MOB3B: variants seen among roughly 807,000 people sequenced by gnomAD.
MOB3B encodes MOB kinase activator 3B.
Under a neutral mutation model 18.7 loss-of-function variants are expected in MOB3B, and 7 were observed. That is an observed-to-expected ratio of 0.37 (90% confidence interval 0.21 to 0.70). MOB3B has a LOEUF of 0.70. Among genes scored for constraint, MOB3B ranks in the 30% least tolerant of loss-of-function variants. MOB3B has a pLI of 0.52. For missense variants in MOB3B, 253 were observed against 281.3 expected, an observed-to-expected ratio of 0.90 and a Z score of 0.72; for synonymous variants, 111 against 99.9, an observed-to-expected ratio of 1.11 and a Z score of -0.66.
At chr9:27,528,345 G>A (rs1820468948) in intron 1 of MOB3B, among the ~76,000 whole-genome samples, 1 of 152,256 alleles carries the variant, frequency 6.6e-6, no homozygotes, top group African/African-American at 2.4e-5. Context: ...AAATCCTCTG[G>A]AACCAACCAC....
chr9:27,498,164 T>C (rs76676728), intron 1 of MOB3B, among the ~76,000 whole-genome samples: 4,912 of 152,258 alleles, frequency 0.032, 436 homozygotes, highest in East Asian at 0.28. Context: ...GTAGCCTCTA[T>C]GGTGTTCTCA....
chr9:27,417,160 G>A (rs975981919), intron 2 of MOB3B, among the ~76,000 whole-genome samples: 1 of 152,178 alleles, frequency 6.6e-6, no homozygotes, highest in Admixed American at 6.5e-5. Flanking sequence ...TGAGGAGATC[G>A]AGACCATCCT....
chr9:27,374,123 C>T (rs1821459093), intron 2 of MOB3B, among the ~76,000 whole-genome samples: 1 of 152,176 alleles, frequency 6.6e-6, no homozygotes, highest in African/African-American at 2.4e-5. Context: ...AAACAGCAGC[C>T]CTGGAGTCCC....
chr9:27,460,069 T>A (rs898280428), intron 1 of MOB3B, among the ~76,000 whole-genome samples: 1 of 152,150 alleles, frequency 6.6e-6, no homozygotes, highest in East Asian at 1.9e-4. Context: ...ACTAAGGACA[T>A]AGAGTTCATA....
intron 1 of MOB3B, chr9:27,524,375 G>A: frequency 6.2e-7 from 1 of 1,602,068 alleles, no homozygotes; most frequent in Non-Finnish European, 8.5e-7. Context: ...AGTGTTTGTG[G>A]CTTGAGATCC....
intron 1 of MOB3B, among the ~76,000 whole-genome samples, chr9:27,499,032 A>G (rs1448856254): frequency 6.6e-6 from 1 of 152,232 alleles, no homozygotes; most frequent in Non-Finnish European, 1.5e-5. Flanking sequence ...ATTATTATCC[A>G]ATAAATTCAG....
intron 2 of MOB3B, among the ~76,000 whole-genome samples, chr9:27,369,936 C>CTT (rs59186320): frequency 5.6e-5 from 7 of 125,950 alleles, no homozygotes; most frequent in Admixed American, 7.9e-5. Context: ...TTTAATTGTC[C>CTT]TTTTTTTTTT....
At chr9:27,449,052 C>G (rs1822742276) in intron 2 of MOB3B, among the ~76,000 whole-genome samples, 1 of 152,178 alleles carries the variant, frequency 6.6e-6, no homozygotes, top group Non-Finnish European at 1.5e-5. Flanking sequence ...GTTTAGTATT[C>G]AGTCTTCTGG....
At chr9:27,448,632 T>C (rs1822733258) in intron 2 of MOB3B, among the ~76,000 whole-genome samples, 1 of 152,226 alleles carries the variant, frequency 6.6e-6, no homozygotes, top group Admixed American at 6.5e-5. Context: ...TTATGGGAGC[T>C]ACAATTCAAG....
chr9:27,382,468 A>G (rs1315084927), intron 2 of MOB3B, among the ~76,000 whole-genome samples: 1 of 152,118 alleles, frequency 6.6e-6, no homozygotes, highest in Non-Finnish European at 1.5e-5. Context: ...TTAGAAGATC[A>G]GGGCCAATCC....
intron 3 of MOB3B, among the ~76,000 whole-genome samples, chr9:27,332,254 G>C (rs1320244471): frequency 6.6e-6 from 1 of 152,172 alleles, no homozygotes; most frequent in Non-Finnish European, 1.5e-5. Context: ...GCCTCCCAAA[G>C]TGCTGGGATT....
At chr9:27,439,329 T>C (rs572801840) in intron 2 of MOB3B, among the ~76,000 whole-genome samples, 1 of 152,342 alleles carries the variant, frequency 6.6e-6, no homozygotes, top group Admixed American at 6.5e-5. Flanking sequence ...CATACTCTAA[T>C]AATCATTTAT....
At chr9:27,501,390 G>T (rs1819989181) in intron 1 of MOB3B, among the ~76,000 whole-genome samples, 2 of 152,182 alleles carry the variant, frequency 1.3e-5, no homozygotes, top group South Asian at 4.2e-4. Flanking sequence ...AGAAAATGTG[G>T]CACATACATA....
intron 2 of MOB3B, among the ~76,000 whole-genome samples, chr9:27,407,241 T>A (rs1467040992): frequency 6.6e-6 from 1 of 152,212 alleles, no homozygotes; most frequent in African/African-American, 2.4e-5. Context: ...AAAAAATGTT[T>A]AGAGCACAAC....
chr9:27,433,151 G>C (rs193276106), intron 2 of MOB3B, among the ~76,000 whole-genome samples: 1 of 150,550 alleles, frequency 6.6e-6, no homozygotes. Flanking sequence ...ATTTAGTACC[G>C]GCTCAAAAAG....
intron 2 of MOB3B, chr9:27,378,723 C>A (rs1386308255): frequency 4.3e-6 from 2 of 469,272 alleles, no homozygotes; most frequent in Non-Finnish European, 8.8e-6. Flanking sequence ...TGTGCATGGG[C>A]AGAGCTGGGC....
chr9:27,490,991 T>A (rs997587677), intron 1 of MOB3B, among the ~76,000 whole-genome samples: 6 of 141,476 alleles, frequency 4.2e-5, no homozygotes, highest in Admixed American at 7.2e-5. Context: ...TTTTTTTTTT[T>A]AATTCAGAAA....
intron 3 of MOB3B, among the ~76,000 whole-genome samples, chr9:27,338,290 G>C (rs1820891315): frequency 6.6e-6 from 1 of 152,108 alleles, no homozygotes; most frequent in Non-Finnish European, 1.5e-5. Flanking sequence ...CTCTTTCCCA[G>C]CCCTGCTTGG....
chr9:27,509,828 G>A (rs1820116032), intron 1 of MOB3B, among the ~76,000 whole-genome samples: 2 of 152,162 alleles, frequency 1.3e-5, no homozygotes, highest in South Asian at 4.1e-4. Context: ...GGGTTCAAGC[G>A]ATCCTCCTGC....
Sources: allele counts gnomAD v4.1 joint callset (sites outside exome capture counted in the v4.1 genomes callset), GRCh38; gene constraint gnomAD v4.1.1; transcripts MANE v1.5; gene names NCBI Gene and HGNC (gene_info 2026-07-23, HGNC 2026-07-21).